The following RABEPK variants were observed in gnomAD, a reference collection of about 807,000 sequenced individuals.
The protein encoded by RABEPK is 40 kDa Rab9 effector protein.
In RABEPK, 27 loss-of-function variants were observed where a neutral mutation model predicts 34.1. The observed-to-expected ratio is 0.79, with a 90% CI of 0.58 to 1.09. The LOEUF (loss-of-function observed/expected upper bound fraction) is 1.09, where lower values mean the gene tolerates loss of function less well. RABEPK is among the 50% of genes least tolerant of loss of function. The pLI, the probability that RABEPK is intolerant of heterozygous loss-of-function variation, is 0.00. For synonymous variants in RABEPK, 172 were observed against 169.2 expected, an observed-to-expected ratio of 1.02 and a Z score of -0.13; for missense variants, 449 against 462.6, an observed-to-expected ratio of 0.97 and a Z score of 0.27.
At chr9:125,214,045 C>A (rs1253053640) in intron 4 of RABEPK, among the ~76,000 whole-genome samples, 1 of 151,926 alleles carries the variant, frequency 6.6e-6, no homozygotes, top group Non-Finnish European at 1.5e-5. Flanking sequence ...TCGCTTGAAC[C>A]CGGGAGGCGG....
At chr9:125,210,987 C>T (rs879401574) in intron 3 of RABEPK, among the ~76,000 whole-genome samples, 3 of 149,962 alleles carry the variant, frequency 2.0e-5, no homozygotes, top group Admixed American at 6.6e-5. Flanking sequence ...GTAATCCCAG[C>T]ACTTTGGGAG....
intron 4 of RABEPK, among the ~76,000 whole-genome samples, chr9:125,219,922 G>C (rs1215389959): frequency 6.6e-6 from 1 of 152,094 alleles, no homozygotes; most frequent in Non-Finnish European, 1.5e-5. Flanking sequence ...GCAGATGTTA[G>C]GGGGAGCGAT....
chr9:125,211,574 A>G (rs529513134), intron 3 of RABEPK, among the ~76,000 whole-genome samples: 1 of 152,180 alleles, frequency 6.6e-6, no homozygotes, highest in South Asian at 2.1e-4. Flanking sequence ...CATGGCAACA[A>G]TTATTTGGAA....
At chr9:125,201,296 A>G (rs1829888606) in intron 1 of RABEPK, among the ~76,000 whole-genome samples, 1 of 152,212 alleles carries the variant, frequency 6.6e-6, no homozygotes, top group Non-Finnish European at 1.5e-5. Flanking sequence ...AAATAGGGGA[A>G]GCAGAACAGG....
At chr9:125,215,911 C>T (rs559411432) in intron 4 of RABEPK, among the ~76,000 whole-genome samples, 2 of 152,296 alleles carry the variant, frequency 1.3e-5, no homozygotes, top group South Asian at 4.1e-4. Context: ...CTGTGTTTAA[C>T]AGTGTTTCTT....
intron 4 of RABEPK, among the ~76,000 whole-genome samples, chr9:125,214,086 C>T (rs1830760043): frequency 6.6e-6 from 1 of 151,214 alleles, no homozygotes; most frequent in Non-Finnish European, 1.5e-5. Context: ...CATGCCACTG[C>T]ACTCCAGCCT....
At chr9:125,209,347 C>T (rs1247912165) in intron 3 of RABEPK, among the ~76,000 whole-genome samples, 2 of 151,586 alleles carry the variant, frequency 1.3e-5, no homozygotes, top group Admixed American at 1.3e-4. Flanking sequence ...ATGTGAGTCA[C>T]CACACCAGCC....
At chr9:125,218,321 CAAAAAA>C (rs71374234) in intron 4 of RABEPK, among the ~76,000 whole-genome samples, 10 of 41,170 alleles carry the variant, frequency 2.4e-4, no homozygotes, top group African/African-American at 1.0e-3. Flanking sequence ...GACTCCGTCT[CAAAAAA>C]AAAAAAAAAA....
intron 2 of RABEPK, among the ~76,000 whole-genome samples, chr9:125,206,534 C>T (rs966040857): frequency 3.9e-5 from 6 of 151,956 alleles, no homozygotes; most frequent in Admixed American, 6.6e-5. Context: ...GTGGAATGAC[C>T]GAATTCTGTA....
Position 125,232,743 on chromosome 9 carries a change from C to T in RABEPK, c.824C>T (p.Thr275Ile), listed in dbSNP as rs750667968. The change falls in exon 7 of 8, where the codon ACA (threonine) becomes ATA (isoleucine). Residue 275 changes from threonine (T) to isoleucine (I), a missense_variant and splice_region_variant. By Grantham distance (89) the Thr-to-Ile change is moderately conservative (BLOSUM62 -1). Transcript: ENST00000373538. Reference sequence around the variant, plus strand: ...CTGGACACAATGTACCAGTATCACACAGGTGAGCAGGTGTCCATGGGGGAT... The same window carrying T: ...CTGGACACAATGTACCAGTATCACATAGGTGAGCAGGTGTCCATGGGGGAT... ...GALDTMYQYH[T>I]EEQHWTLLKF... is the part of the protein sequence containing the mutation. 10 of 1,611,070 alleles carry T rather than the reference C, an allele frequency of 6.2e-6. No homozygotes were observed. In the South Asian group the frequency reaches 8.8e-5, roughly 14 times the overall value.
chr9:125,224,824 A>G (rs745892529), intron 5 of RABEPK, among the ~76,000 whole-genome samples: 3 of 152,166 alleles, frequency 2.0e-5, no homozygotes, highest in Non-Finnish European at 4.4e-5. Flanking sequence ...GAAAGGCCAC[A>G]TAGTTATATA....
intron 4 of RABEPK, among the ~76,000 whole-genome samples, chr9:125,218,107 C>T (rs927403046): frequency 2.0e-5 from 3 of 150,296 alleles, no homozygotes; most frequent in African/African-American, 4.9e-5. Context: ...GTCAGGAGCT[C>T]GAGACCATCC....
rs750198592 is a variant in RABEPK, at chr9:125,203,059, G to A, written c.46G>A (p.Ala16Thr). ...VLEPGDKPRK[A>T]TWYTLTVPGD... ...GGAACCTGGAGACAAGCCCAGGAAA[G>A]CAACATGGTCTGTAAGGAAGGATCC... The change falls in exon 2 of 8, where the codon GCA (alanine) becomes ACA (threonine). Residue 16 changes from alanine to threonine, a missense_variant. Physicochemically the swap from Ala to Thr is moderately conservative, Grantham distance 58. Transcript: ENST00000373538. 2 of 1,613,276 alleles carry A rather than the reference G, an allele frequency of 1.2e-6. No homozygotes were observed. Among genetic ancestry groups the A allele is most frequent in the Admixed American group, 1.7e-5 (1 of 59,988 alleles).
At chr9:125,216,720 T>C (rs892362406) in intron 4 of RABEPK, among the ~76,000 whole-genome samples, 15 of 151,946 alleles carry the variant, frequency 9.9e-5, no homozygotes, top group Admixed American at 2.0e-4. Flanking sequence ...CCCAACACTT[T>C]GGGAGGACGA....
At chr9:125,211,329 T>A (rs867681595) in intron 3 of RABEPK, among the ~76,000 whole-genome samples, 8 of 151,898 alleles carry the variant, frequency 5.3e-5, no homozygotes, top group African/African-American at 1.9e-4. Flanking sequence ...TTTGTATTTT[T>A]AGTAGAGATG....
At chr9:125,224,145 A>G (rs1831553708) in intron 5 of RABEPK, among the ~76,000 whole-genome samples, 1 of 151,558 alleles carries the variant, frequency 6.6e-6, no homozygotes, top group African/African-American at 2.4e-5. Context: ...GCAGTGAGCC[A>G]AGATCGCACC....
chr9:125,205,612 C>T (rs946000677), intron 2 of RABEPK, among the ~76,000 whole-genome samples: 3 of 152,180 alleles, frequency 2.0e-5, no homozygotes, highest in Non-Finnish European at 1.5e-5. Flanking sequence ...GCCTCAGCCT[C>T]CCAAGTAGCT....
At chr9:125,227,287 A>G (rs1291551761) in intron 5 of RABEPK, among the ~76,000 whole-genome samples, 1 of 152,194 alleles carries the variant, frequency 6.6e-6, no homozygotes, top group African/African-American at 2.4e-5. Flanking sequence ...TGGCAGTTTT[A>G]GTTTGAAGCT....
intron 4 of RABEPK, among the ~76,000 whole-genome samples, chr9:125,214,643 A>T (rs1830804878): frequency 6.6e-6 from 1 of 152,140 alleles, no homozygotes; most frequent in South Asian, 2.1e-4. Flanking sequence ...GGGGAAGTGG[A>T]CTTGTCTTTT....
Sources: allele counts gnomAD v4.1 joint callset (sites outside exome capture counted in the v4.1 genomes callset), GRCh38; gene constraint gnomAD v4.1.1; transcripts MANE v1.5; gene names NCBI Gene and HGNC (gene_info 2026-07-23, HGNC 2026-07-21).